The following CRTAM variants were observed in gnomAD, a reference collection of about 807,000 sequenced individuals.
The protein encoded by CRTAM is cytotoxic and regulatory T cell molecule.
Under a neutral mutation model 50.0 loss-of-function variants are expected in CRTAM, and 44 were observed. That is an observed-to-expected ratio of 0.88 (90% CI 0.69 to 1.13). The LOEUF (loss-of-function observed/expected upper bound fraction) is 1.13. CRTAM is among the 50% of genes most tolerant of loss of function. CRTAM has a pLI of 0.00. For synonymous variants in CRTAM, 159 were observed against 169.3 expected (o/e 0.94, Z 0.47); for missense variants, 448 against 457.5 (o/e 0.98, Z 0.19).
Position 122,871,719 on chromosome 11 carries a change from A to AT in CRTAM, c.*326dup. 5.7e-6 allele frequency: 1 copy of AT among 176,486 alleles called. No homozygotes were observed. Among genetic ancestry groups the AT allele is most frequent in the African/African-American group, 2.3e-5 (1 of 42,722 alleles). 10.9% of individuals were successfully genotyped at this position (176,486 alleles called of 1,614,324 possible). On this transcript the variant is annotated 3_prime_UTR_variant, in exon 10 of 10. Coordinates refer to ENST00000227348, the MANE Select transcript of CRTAM (RefSeq NM_019604.4). Reference sequence around the variant, plus strand: ...AACATCCTACCTCAAATGGAACAGGATTTTTTGATGCTTTGCTCTAATGGA... The same window carrying AT: ...AACATCCTACCTCAAATGGAACAGGATTTTTTTGATGCTTTGCTCTAATGGA...
intron 1 of CRTAM, among the ~76,000 whole-genome samples, chr11:122,841,586 G>A (rs1321207006): frequency 6.6e-6 from 1 of 151,826 alleles, no homozygotes; most frequent in Non-Finnish European, 1.5e-5. Flanking sequence ...ATTTTTAGTA[G>A]AGACAGGCTT....
intron 9 of CRTAM, among the ~76,000 whole-genome samples, chr11:122,868,406 A>G: frequency 6.6e-6 from 1 of 152,182 alleles, no homozygotes; most frequent in Non-Finnish European, 1.5e-5. Flanking sequence ...CTGAAATCCG[A>G]AGCTAGGGAG....
chr11:122,862,141 G>A (rs1404174860), intron 5 of CRTAM, among the ~76,000 whole-genome samples: 3 of 152,172 alleles, frequency 2.0e-5, no homozygotes, highest in African/African-American at 7.2e-5. Context: ...ATAGATAGGT[G>A]GATGGGTAGA....
rs2135237670 is a variant in CRTAM, at chr11:122,851,912, A to C, written c.346+67A>C. 5 of 1,462,830 alleles carry C rather than the reference A, an allele frequency of 3.4e-6. No homozygotes were observed. The South Asian group carries it at 4.9e-5, about 14-fold the overall frequency. 90.6% of individuals were successfully genotyped at this position (1,462,830 alleles called of 1,614,324 possible). Reference sequence around the variant, plus strand: ...TAGGAACACGATATGTCGTTTTTAAACTGAACCTTTTAGTTTAAAAATGTT... The same window carrying C: ...TAGGAACACGATATGTCGTTTTTAACCTGAACCTTTTAGTTTAAAAATGTT... On this transcript the variant is annotated intron_variant, in intron 3 of 9. Coordinates refer to ENST00000227348, the MANE Select transcript of CRTAM (RefSeq NM_019604.4).
At position 122,862,512 on chromosome 11, in the gene CRTAM, C is replaced by G; in HGVS notation, c.701C>G (p.Ser234Cys). The G allele has an allele frequency of 6.2e-7, 1 of 1,612,298 alleles. No homozygotes were observed. Among genetic ancestry groups the G allele is most frequent in the Non-Finnish European group, 8.5e-7 (1 of 1,178,330 alleles). The change falls in exon 6 of 10, where the codon TCC becomes TGC. Residue 234 changes from serine (S) to cysteine (C), a missense_variant. Coordinates refer to ENST00000227348, the MANE Select transcript of CRTAM (RefSeq NM_019604.4). ...GATGCTCTGGAGAGAAACTCTCTAT[C>G]CTCTCAAGACCCACAGCAGCCCACC... Reference protein sequence around the residue: ...ASDALERNSLSSQDPQQPTST... With the variant: ...ASDALERNSLCSQDPQQPTST...
rs1218330635 is a variant in CRTAM, at chr11:122,871,657, T to C, written c.*258T>C. ...ACACTACTTCAGAGCAGGAGGATTC[T>C]ACGAAGCCTTGGGGATCAGGGTCAG... On this transcript the variant is annotated 3_prime_UTR_variant, in exon 10 of 10. Transcript: ENST00000227348. The C allele has an allele frequency of 8.5e-6, 2 of 234,108 alleles. No individual in the cohort carries two copies. Among genetic ancestry groups the C allele is most frequent in the Non-Finnish European group, 1.6e-5 (2 of 122,422 alleles). 14.5% of individuals were successfully genotyped at this position (234,108 alleles called of 1,614,324 possible).
At position 122,855,872 on chromosome 11, in the gene CRTAM, G is replaced by T. The variant is rs759361013; in HGVS notation, c.652+16G>T. 8 of 1,599,238 alleles carry T rather than the reference G, an allele frequency of 5.0e-6. No homozygotes were observed. In the South Asian group the frequency reaches 7.8e-5, roughly 16 times the overall value. On this transcript the variant is annotated intron_variant, in intron 5 of 9. Transcript: ENST00000227348. ...GAAGATTTGGGTAAGAAGAACTAAT[G>T]ATTCTCTTGAATAATTTTTGATTTA... is the stretch of plus-strand genomic sequence containing the variant.
At chr11:122,846,402 G>A (rs1227721329) in intron 1 of CRTAM, among the ~76,000 whole-genome samples, 3 of 103,470 alleles carry the variant, frequency 2.9e-5, no homozygotes, top group Non-Finnish European at 4.0e-5. Flanking sequence ...TCCTCCTCCC[G>A]GGTTCAATGA....
intron 5 of CRTAM, among the ~76,000 whole-genome samples, chr11:122,861,888 A>C (rs1265396849): frequency 6.6e-6 from 1 of 152,204 alleles, no homozygotes; most frequent in South Asian, 2.1e-4. Flanking sequence ...AATGTTATAC[A>C]ATAACATTTA....
rs1862143899 is a variant in CRTAM, at chr11:122,864,619, ATCT to A, written c.734-12_734-10del. 1 of 1,579,480 alleles carries A rather than the reference ATCT, an allele frequency of 6.3e-7. No individual in the cohort carries two copies. The highest frequency in any genetic ancestry group is 1.3e-5 in the African/African-American group (1 of 74,346). On this transcript the variant is annotated splice_polypyrimidine_tract_variant and intron_variant, in intron 6 of 9. Coordinates refer to ENST00000227348, the MANE Select transcript of CRTAM (RefSeq NM_019604.4). ...ATAATGCATGCATAGCTCATGTTTT[ATCT>A]TCTTTCACTTTAGTCTCAGTAACGG...
intron 7 of CRTAM, among the ~76,000 whole-genome samples, chr11:122,866,517 A>G (rs888199690): frequency 2.6e-4 from 39 of 151,828 alleles, no homozygotes; most frequent in African/African-American, 9.0e-4. Context: ...CATAGCTGGC[A>G]CTCCTTAATT....
chr11:122,866,828 C>T (rs1019962052), intron 7 of CRTAM, among the ~76,000 whole-genome samples: 1 of 151,922 alleles, frequency 6.6e-6, no homozygotes, highest in Non-Finnish European at 1.5e-5. Flanking sequence ...CCAGGCTGGT[C>T]TCAAACTCCT....
chr11:122,859,776 T>C (rs1335254650), intron 5 of CRTAM, among the ~76,000 whole-genome samples: 1 of 152,208 alleles, frequency 6.6e-6, no homozygotes, highest in African/African-American at 2.4e-5. Context: ...CATACTGTTA[T>C]ATTAAAACCC....
At chr11:122,847,528 C>G (rs1323082837) in intron 1 of CRTAM, among the ~76,000 whole-genome samples, 1 of 152,172 alleles carries the variant, frequency 6.6e-6, no homozygotes, top group East Asian at 1.9e-4. Context: ...GACACAAATT[C>G]TCTGAAGAAG....
At chr11:122,864,196 A>G (rs1050227954) in intron 6 of CRTAM, among the ~76,000 whole-genome samples, 7 of 152,182 alleles carry the variant, frequency 4.6e-5, no homozygotes, top group Admixed American at 2.6e-4. Context: ...GAAGCATCCT[A>G]AAGACCTTCT....
At chr11:122,849,550 C>T (rs1279019369) in intron 1 of CRTAM, among the ~76,000 whole-genome samples, 1 of 152,062 alleles carries the variant, frequency 6.6e-6, no homozygotes, top group Non-Finnish European at 1.5e-5. Flanking sequence ...AGTAAAACCA[C>T]GTCTCTACTA....
At chr11:122,841,462 G>A (rs1489470469) in intron 1 of CRTAM, among the ~76,000 whole-genome samples, 1 of 149,698 alleles carries the variant, frequency 6.7e-6, no homozygotes, top group Non-Finnish European at 1.5e-5. Context: ...GTGCAGTGGT[G>A]TGATCTCAGC....
chr11:122,871,165 C>A, intron 9 of CRTAM, 104 bp from the exon 10 acceptor site: 1 of 1,067,732 alleles, frequency 9.4e-7, no homozygotes, highest in Non-Finnish European at 1.4e-6. Flanking sequence ...TTTTATAAAG[C>A]AATATGTGAA....
intron 7 of CRTAM, among the ~76,000 whole-genome samples, chr11:122,865,864 G>A (rs914092418): frequency 1.3e-5 from 2 of 152,104 alleles, no homozygotes; most frequent in East Asian, 3.8e-4. Flanking sequence ...ATGCACACAC[G>A]TATATAAAAT....
Sources: gnomAD v4.1 joint callset for allele counts (sites outside exome capture counted in the v4.1 genomes callset) on GRCh38, gnomAD v4.1.1 for gene constraint, MANE v1.5 for transcripts, NCBI Gene and HGNC (gene_info 2026-07-23, HGNC 2026-07-21) for gene names.